Variants in MORC2 observed in about 807,000 individuals in gnomAD.
MORC2 encodes the protein ATPase MORC2.
In MORC2, 30 loss-of-function variants were observed where a neutral mutation model predicts 136.0. The observed-to-expected ratio is 0.22, with a 90% CI of 0.17 to 0.30. The LOEUF is 0.30. Ranked by LOEUF, MORC2 falls within the 10% of genes least tolerant of loss-of-function variation. The pLI is 1.00. For synonymous variants in MORC2, 439 were observed against 487.0 expected (o/e 0.90, Z 1.30); for missense variants, 922 against 1,333.1 (o/e 0.69, Z 4.80).
chr22:30,947,972 C>G (rs562544827), intron 5 of MORC2, among the ~76,000 whole-genome samples: 2 of 152,350 alleles, frequency 1.3e-5, no homozygotes, highest in South Asian at 4.1e-4. Flanking sequence ...GATGATTTTA[C>G]TGTCTACTCT....
intron 11 of MORC2, 55 bp downstream of exon 11, chr22:30,939,904 A>T: frequency 6.4e-7 from 1 of 1,564,226 alleles, no homozygotes; most frequent in Non-Finnish European, 8.8e-7. Flanking sequence ...CTCATGGGAC[A>T]TGGGCTCCTA....
intron 10 of MORC2, among the ~76,000 whole-genome samples, chr22:30,940,264 G>A (rs1340349281): frequency 1.0e-4 from 15 of 149,638 alleles, no homozygotes; most frequent in Non-Finnish European, 2.1e-4. Context: ...AGGCCCCAAG[G>A]AAACTTTACA....
intron 1 of MORC2, chr22:30,963,430 G>C (rs575282843): frequency 1.7e-5 from 9 of 532,188 alleles, no homozygotes; most frequent in Non-Finnish European, 2.1e-5. Context: ...CTGTTGCCCC[G>C]GCTGGAGTGC....
rs2040807853 is a variant in MORC2, at chr22:30,945,783, C to G, written c.426+558G>C. ...TCACTGGGGCTGTGTAGCAGCCACT[C>G]CCAAGACGAGACCCACAGCATCAGC... On this transcript the variant is annotated intron_variant, in intron 6 of 25. Coordinates refer to ENST00000397641, the MANE Select transcript of MORC2 (RefSeq NM_001303256.3). Among the ~76,000 whole-genome samples the G allele has an allele frequency of 1.3e-5, 2 of 152,206 alleles. 1 individual carries two copies. Among genetic ancestry groups the G allele is most frequent in the South Asian group, 4.1e-4 (2 of 4,834 alleles).
intron 2 of MORC2, among the ~76,000 whole-genome samples, chr22:30,958,089 C>T (rs970043427): frequency 7.2e-5 from 11 of 152,226 alleles, no homozygotes; most frequent in African/African-American, 2.7e-4. Flanking sequence ...TTCAGTCTTA[C>T]ACAGTAACAT....
At chr22:30,959,141 T>TA (rs1167154177) in intron 1 of MORC2, among the ~76,000 whole-genome samples, 6 of 152,340 alleles carry the variant, frequency 3.9e-5, no homozygotes, top group African/African-American at 7.2e-5. Flanking sequence ...TTGAGACAGG[T>TA]TCTCATTCTT....
chr22:30,952,278 C>T (rs941274233), intron 3 of MORC2, among the ~76,000 whole-genome samples: 4 of 152,214 alleles, frequency 2.6e-5, no homozygotes, highest in Non-Finnish European at 5.9e-5. Context: ...CTGTACACTA[C>T]AGCCGCAAAA....
In MORC2 at chr22:30,934,060, C is replaced by T. The variant is rs541237963; in HGVS notation, c.2325G>A (p.Glu775=). The T allele has an allele frequency of 1.2e-6, 2 of 1,614,128 alleles. No individual in the cohort carries two copies. The highest frequency in any genetic ancestry group is 1.7e-6 in the Non-Finnish European group (2 of 1,180,002). Reference sequence around the variant, plus strand: ...TGAGAACCTCACCTCAACCACTCACCTCATTCGAGTCCTTCTTTTCCTCCT... The same window carrying T: ...TGAGAACCTCACCTCAACCACTCACTTCATTCGAGTCCTTCTTTTCCTCCT... ...VVKEEKKDSN[E]LSDSAGEEDS... is the part of the protein sequence containing the mutation. Residue 775 remains glutamate (E), a splice_region_variant and synonymous_variant, in exon 20 of 26, where the codon GAG becomes GAA. Transcript: ENST00000397641. The surrounding 1 kb of genome is among the most constrained non-coding windows in gnomAD (Gnocchi z 4.4).
rs2040910507 is a variant in MORC2, at chr22:30,952,802, G to A, written c.158-2357C>T. On this transcript the variant is annotated intron_variant, in intron 3 of 25. Coordinates refer to ENST00000397641, the MANE Select transcript of MORC2 (RefSeq NM_001303256.3). ...CAAGAGCAGTGAACAGTACATATGCGATCACTGTCTTCATGGAGCTTACAT... is the reference window on the plus strand; with the variant it reads ...CAAGAGCAGTGAACAGTACATATGCAATCACTGTCTTCATGGAGCTTACAT... Among the ~76,000 whole-genome samples, 3 of 152,202 alleles carry A rather than the reference G, an allele frequency of 2.0e-5. No individual in the cohort carries two copies. In the South Asian group the frequency reaches 6.2e-4, roughly 31 times the overall value.
At chr22:30,929,760 C>CA (rs957226944) in intron 24 of MORC2, 63 of 142,290 alleles carry the variant, frequency 4.4e-4, no homozygotes, top group South Asian at 9.0e-4. Flanking sequence ...GACTCTGTCT[C>CA]AAAAAAAAAA....
chr22:30,958,243 A>G (rs1428235428), intron 2 of MORC2, among the ~76,000 whole-genome samples: 2 of 152,228 alleles, frequency 1.3e-5, no homozygotes, highest in Admixed American at 1.3e-4. Context: ...GAACTTTGGC[A>G]TAGTTTTAAA....
intron 4 of MORC2, 24 bp downstream of exon 4, chr22:30,950,353 C>CAAAAAAAAA: frequency 2.7e-6 from 4 of 1,481,902 alleles, no homozygotes; most frequent in African/African-American, 1.4e-5. Flanking sequence ...CCCCACCCCC[C>CAAAAAAAAA]AAAACAATAA....
In MORC2 at chr22:30,949,823, G is replaced by C. The variant is rs2040863422; in HGVS notation, c.246C>G (p.Ile82Met). ...TTCGCTTGGCCGACTTCCCAAACTG[G>C]ATCACACTGGCAGCATCACCTGAAA... ...GMDPSDAASV[I>M]QFGKSAKRTP... is the part of the protein sequence containing the mutation. The change falls in exon 5 of 26, where the codon ATC (isoleucine) becomes ATG (methionine). Residue 82 changes from isoleucine to methionine, a missense_variant. By Grantham distance (10) the Ile-to-Met change is conservative. Around this residue, in one of 9 missense-constraint regions of MORC2, gnomAD observed 57 missense variants for 71.8 expected, o/e 0.79. Coordinates refer to ENST00000397641, the MANE Select transcript of MORC2 (RefSeq NM_001303256.3). 6.2e-7 allele frequency: 1 copy of C among 1,613,990 alleles called. No homozygotes were observed. Among genetic ancestry groups the C allele is most frequent in the Non-Finnish European group, 8.5e-7 (1 of 1,180,028 alleles).
chr22:30,960,404 C>T (rs2147313409), intron 1 of MORC2, among the ~76,000 whole-genome samples: 1 of 152,302 alleles, frequency 6.6e-6, no homozygotes, highest in African/African-American at 2.4e-5. Context: ...GAAATTTTAT[C>T]ATCAATTTAC....
At chr22:30,936,445 A>C (rs1397196089) in intron 17 of MORC2, 66 bp downstream of exon 17, 31 of 1,590,428 alleles carry the variant, frequency 1.9e-5, no homozygotes, top group Non-Finnish European at 2.6e-5. Flanking sequence ...AAAGCTACTG[A>C]AGGTTCCTGT....
intron 1 of MORC2, among the ~76,000 whole-genome samples, chr22:30,959,069 G>A (rs1569203327): frequency 1.3e-5 from 2 of 152,194 alleles, no homozygotes; most frequent in African/African-American, 4.8e-5. Context: ...GCATATCTCA[G>A]AGCAAGAATT....
chr22:30,958,963 T>C, intron 1 of MORC2: 1 of 328,590 alleles, frequency 3.0e-6, no homozygotes, highest in Non-Finnish European at 5.6e-6. Context: ...GTCCTATGTG[T>C]AGTAACTGCT....
chr22:30,935,706 C>T (rs2040642623), intron 17 of MORC2, among the ~76,000 whole-genome samples: 1 of 152,028 alleles, frequency 6.6e-6, no homozygotes, highest in Admixed American at 6.6e-5. Context: ...CACATCTGCA[C>T]AGACACAGAA....
At position 30,937,780 on chromosome 22, in the gene MORC2, G is replaced by A; in HGVS notation, c.1369+35C>T. The A allele has an allele frequency of 6.2e-7, 1 of 1,614,044 alleles. No homozygotes were observed. The highest frequency in any genetic ancestry group is 1.1e-5 in the South Asian group (1 of 91,072). On this transcript the variant is annotated intron_variant, in intron 14 of 25. Coordinates refer to ENST00000397641, the MANE Select transcript of MORC2 (RefSeq NM_001303256.3). This position sits in a 1 kb window ranked among gnomAD's most constrained non-coding sequence, Gnocchi z 4.7. ...CTCTCTCCCTACATTCAGGTGAAGA[G>A]AAAAGGCAGAGGCCCAGCAGCCCAG...
Sources: gnomAD v4.1 joint callset for allele counts (sites outside exome capture counted in the v4.1 genomes callset) on GRCh38, gnomAD v4.1.1 for gene constraint, gnomAD v4.1.1 regional missense constraint, Gnocchi (gnomAD v3.1) non-coding constraint, MANE v1.5 for transcripts, NCBI Gene and HGNC (gene_info 2026-07-23, HGNC 2026-07-21) for gene names.